Variants in HK2 observed in about 807,000 individuals in gnomAD.
HK2 encodes the protein hexokinase 2.
A neutral mutation model predicts 92.9 loss-of-function variants in HK2; 42 were observed. The observed-to-expected ratio is 0.45, with a 90% CI of 0.35 to 0.58. HK2 has a LOEUF of 0.58. HK2 is among the 20% of genes least tolerant of loss of function. The probability of loss-of-function intolerance (pLI) is 0.00; values close to 1 mark genes in which losing one functional copy is unlikely to be tolerated. For synonymous variants in HK2, 422 were observed against 468.0 expected (o/e 0.90, Z 1.27); for missense variants, 978 against 1,245.1 (o/e 0.79, Z 3.23).
rs182696796 is a variant in HK2 at position 74,834,916 on chromosome 2, C to T, written c.63+273C>T. Among the ~76,000 whole-genome samples, 691 of 152,336 alleles carry T rather than the reference C, an allele frequency of 4.5e-3. 2 individuals carry two copies. Among genetic ancestry groups the T allele is most frequent in the South Asian group, 0.016 (77 of 4,832 alleles). ...CGCGCTCACGCTCTCTCCCCCAGTC[C>T]CTTTTTCCCTGTTACTGGAGGGGCG... is the stretch of plus-strand genomic sequence containing the variant. On this transcript the variant is annotated intron_variant, in intron 1 of 17. Coordinates refer to ENST00000290573, the MANE Select transcript of HK2 (RefSeq NM_000189.5). This position sits in a 1 kb window ranked among gnomAD's most constrained non-coding sequence, Gnocchi z 4.2.
chr2:74,845,226 G>A (rs1688408687), intron 1 of HK2, among the ~76,000 whole-genome samples: 1 of 152,194 alleles, frequency 6.6e-6, no homozygotes. Context: ...TAATGTATCT[G>A]TCTTCTGCCA....
At chr2:74,841,155 A>G (rs1323361404) in intron 1 of HK2, among the ~76,000 whole-genome samples, 2 of 152,164 alleles carry the variant, frequency 1.3e-5, no homozygotes, top group African/African-American at 4.8e-5. Context: ...GACAAAGCCT[A>G]TCTTTTTAAA....
At chr2:74,860,911 G>T (rs1688810479) in intron 2 of HK2, among the ~76,000 whole-genome samples, 2 of 152,166 alleles carry the variant, frequency 1.3e-5, no homozygotes, top group Admixed American at 6.5e-5. Flanking sequence ...TTGTCTGTAT[G>T]TCCTTGTTTC....
At chr2:74,838,440 C>A (rs375455628) in intron 1 of HK2, among the ~76,000 whole-genome samples, 1 of 152,066 alleles carries the variant, frequency 6.6e-6, no homozygotes, top group Non-Finnish European at 1.5e-5. Context: ...GACCTGAGGC[C>A]GGTCCTGAGG....
intron 7 of HK2, among the ~76,000 whole-genome samples, chr2:74,876,623 A>G (rs1438152319): frequency 1.3e-5 from 2 of 152,074 alleles, no homozygotes; most frequent in Middle Eastern, 3.2e-3. Flanking sequence ...AGATTCCTCT[A>G]TCCCAACCTG....
In HK2 at chr2:74,880,483, T is replaced by C; in HGVS notation, c.1484T>C (p.Met495Thr). 1 of 1,614,186 alleles carries C rather than the reference T, an allele frequency of 6.2e-7. No individual in the cohort carries two copies. Among genetic ancestry groups the C allele is most frequent in the Non-Finnish European group, 8.5e-7 (1 of 1,180,026 alleles). Reference sequence around the variant, plus strand: ...GTCAAGAGGAGGATGAAGGTAGAAATGGAGCGAGGTCTGAGCAAGGAGACT... The same window carrying C: ...GTCAAGAGGAGGATGAAGGTAGAAACGGAGCGAGGTCTGAGCAAGGAGACT... ...LEVKRRMKVE[M>T]ERGLSKETHA... Residue 495 changes from methionine (M) to threonine (T), a missense_variant, in exon 10 of 18, where the codon ATG becomes ACG. By Grantham distance (81) the Met-to-Thr change is moderately conservative. Transcript: ENST00000290573.
chr2:74,867,612 T>C (rs763630166), intron 2 of HK2, 24 bp from the exon 3 acceptor site: 3 of 1,612,068 alleles, frequency 1.9e-6, no homozygotes, highest in African/African-American at 2.7e-5. Context: ...CCAAAATTAA[T>C]AGTGGCCCTT....
chr2:74,877,048 G>A, intron 7 of HK2, 118 bp from the exon 8 acceptor site: 2 of 1,372,406 alleles, frequency 1.5e-6, no homozygotes, highest in Non-Finnish European at 2.1e-6. Context: ...CCTGGGCCGT[G>A]CTGCACACAT....
chr2:74,873,746 A>AAGAAGG (rs1553448697), intron 5 of HK2, 98 bp from the exon 6 acceptor site: 14 of 735,748 alleles, frequency 1.9e-5, no homozygotes, highest in Middle Eastern at 3.1e-4. Flanking sequence ...AGAGAGAGAG[A>AAGAAGG]AGGAGGAGGA....
At chr2:74,888,138 C>T in intron 16 of HK2, 80 bp downstream of exon 16, 1 of 1,478,754 alleles carries the variant, frequency 6.8e-7, no homozygotes, top group Non-Finnish European at 9.4e-7. Context: ...ATTTCCATAA[C>T]TCAGGGCATG....
At chr2:74,851,939 G>A (rs929344588) in intron 1 of HK2, among the ~76,000 whole-genome samples, 1 of 152,202 alleles carries the variant, frequency 6.6e-6, no homozygotes, top group African/African-American at 2.4e-5. Flanking sequence ...TATAGACCCT[G>A]CTGTATCCAG....
rs1240386762 is a variant in HK2, at chr2:74,878,939, G to A, written c.1265+18G>A. 11 of 1,539,746 alleles carry A rather than the reference G, an allele frequency of 7.1e-6. No homozygotes were observed. Among genetic ancestry groups the A allele is most frequent in the African/African-American group, 4.1e-5 (3 of 72,828 alleles). On this transcript the variant is annotated intron_variant, in intron 9 of 17. Transcript: ENST00000290573. ...CACCCCCAGTGAGTCAGTGTGCAGG[G>A]CCTGGAGATGCGGAGTTCCTGGAGT... is the stretch of plus-strand genomic sequence containing the variant.
chr2:74,862,609 A>C (rs1440666322), intron 2 of HK2, among the ~76,000 whole-genome samples: 1 of 152,216 alleles, frequency 6.6e-6, no homozygotes, highest in Non-Finnish European at 1.5e-5. Flanking sequence ...GTTGCTCTGC[A>C]TTATATTAAC....
intron 3 of HK2, among the ~76,000 whole-genome samples, chr2:74,869,195 G>A (rs1445921129): frequency 6.6e-6 from 1 of 151,796 alleles, no homozygotes; most frequent in African/African-American, 2.4e-5. Context: ...TTTTAAGTAA[G>A]TGAAAAATGC....
chr2:74,872,781 A>C (rs1163032627), intron 4 of HK2, among the ~76,000 whole-genome samples: 1 of 152,222 alleles, frequency 6.6e-6, no homozygotes, highest in African/African-American at 2.4e-5. Context: ...GTATTGCATA[A>C]CAATGGGGAT....
chr2:74,880,557 C>A lies in HK2; in HGVS notation c.1558C>A (p.Pro520Thr), dbSNP rs747262717. ...GCTGCCCACCTACGTGTGTGCTACC[C>A]CGGACGGCACAGGTACACGGCAGGG... ...KMLPTYVCATPDGTEKGDFLA... is the reference protein window; with the variant it reads ...KMLPTYVCATTDGTEKGDFLA... The change falls in exon 10 of 18, where the codon CCG becomes ACG. Residue 520 changes from proline to threonine, a missense_variant. Pro to Thr is a conservative substitution (Grantham distance 38, BLOSUM62 -1). Around this residue, in one of 3 missense-constraint regions of HK2, gnomAD observed 742 missense variants for 922.5 expected, o/e 0.80. Transcript: ENST00000290573. 1.3e-5 allele frequency: 21 copies of A among 1,613,716 alleles called. No individual in the cohort carries two copies. In the South Asian group the frequency reaches 2.2e-4, roughly 17 times the overall value.
intron 6 of HK2, 118 bp from the exon 7 acceptor site, chr2:74,874,148 C>A: frequency 7.8e-7 from 1 of 1,284,840 alleles, no homozygotes; most frequent in Non-Finnish European, 1.1e-6. Flanking sequence ...CCCCCAGAGT[C>A]TGCAGTGAGA....
rs749064934 is a variant in HK2 at position 74,882,192 on chromosome 2, C to T, written c.1792C>T (p.Leu598=). The change falls in exon 12 of 18, where the codon CTG becomes TTG. Residue 598 remains leucine, a synonymous_variant. Transcript: ENST00000290573. ...GGGCATGAAGGGCGTGTCCCTGCCT[C>T]TGGGTTTTACCTTCTCCTTCCCCTG... ...YMGMKGVSLP[L]GFTFSFPCQQ... 1.2e-6 allele frequency: 2 copies of T among 1,614,078 alleles called. No homozygotes were observed. The highest frequency in any genetic ancestry group is 1.3e-5 in the African/African-American group (1 of 74,934).
chr2:74,841,113 G>A (rs956459391), intron 1 of HK2, among the ~76,000 whole-genome samples: 1 of 152,070 alleles, frequency 6.6e-6, no homozygotes, highest in Non-Finnish European at 1.5e-5. Context: ...ATCATAAAGA[G>A]CAAGAATTTC....
Sources: allele counts gnomAD v4.1 joint callset (sites outside exome capture counted in the v4.1 genomes callset), GRCh38; gene constraint gnomAD v4.1.1; regional missense constraint gnomAD v4.1.1; non-coding constraint Gnocchi (gnomAD v3.1); transcripts MANE v1.5; gene names NCBI Gene and HGNC (gene_info 2026-07-23, HGNC 2026-07-21).